The following GALNTL6 variants were observed in gnomAD, a reference collection of about 807,000 sequenced individuals.
GALNTL6 encodes the protein polypeptide N-acetylgalactosaminyltransferase-like 6.
GALNTL6 carries 46 observed loss-of-function variants against 73.7 expected under a neutral mutation model. The observed-to-expected ratio is 0.62, with a 90% CI of 0.49 to 0.80. The LOEUF is 0.80. GALNTL6 is among the 30% of genes least tolerant of loss of function. The probability of loss-of-function intolerance (pLI) is 0.00; values close to 1 mark genes in which losing one functional copy is unlikely to be tolerated. For missense variants in GALNTL6, 604 were observed against 755.0 expected (o/e 0.80, Z 2.34); for synonymous variants, 259 against 263.7 (o/e 0.98, Z 0.17).
chr4:172,749,321 A>C (rs1276167527), intron 5 of GALNTL6, among the ~76,000 whole-genome samples: 1 of 152,130 alleles, frequency 6.6e-6, no homozygotes, highest in African/African-American at 2.4e-5. Flanking sequence ...TTTAATTATC[A>C]GCTATAATAT....
intron 2 of GALNTL6, among the ~76,000 whole-genome samples, chr4:171,981,428 C>T (rs1739892106): frequency 6.6e-6 from 1 of 152,148 alleles, no homozygotes; most frequent in Non-Finnish European, 1.5e-5. Context: ...GTTTACATTG[C>T]CAGGGTGAAA....
intron 2 of GALNTL6, among the ~76,000 whole-genome samples, chr4:172,058,659 C>A (rs1234290650): frequency 6.6e-6 from 1 of 152,064 alleles, no homozygotes; most frequent in African/African-American, 2.4e-5. Flanking sequence ...ATCTATACTT[C>A]TTTTCATATA....
At chr4:171,874,259 G>A (rs186674342) in intron 2 of GALNTL6, among the ~76,000 whole-genome samples, 39 of 152,286 alleles carry the variant, frequency 2.6e-4, no homozygotes, top group African/African-American at 9.4e-4. Context: ...CTGGAGGGCA[G>A]TGGTGCAATC....
chr4:172,410,793 T>C (rs2111342638), intron 5 of GALNTL6, among the ~76,000 whole-genome samples: 1 of 152,262 alleles, frequency 6.6e-6, no homozygotes, highest in East Asian at 1.9e-4. Flanking sequence ...ATTGGCTCTT[T>C]TATTTCTCAC....
chr4:172,046,678 G>A (rs2110850140), intron 2 of GALNTL6, among the ~76,000 whole-genome samples: 2 of 152,194 alleles, frequency 1.3e-5, no homozygotes, highest in Middle Eastern at 3.4e-3. Context: ...TTCTTCTGAG[G>A]AATGTCTATT....
chr4:172,569,927 G>T (rs565101885), intron 5 of GALNTL6, among the ~76,000 whole-genome samples: 23 of 152,164 alleles, frequency 1.5e-4, no homozygotes, highest in Admixed American at 1.4e-3. Context: ...GAAGGAGGAC[G>T]TAGTACGACA....
chr4:172,389,898 A>T (rs1209349421), intron 5 of GALNTL6, among the ~76,000 whole-genome samples: 1 of 152,158 alleles, frequency 6.6e-6, no homozygotes, highest in Admixed American at 6.5e-5. Flanking sequence ...GATTTTAAAA[A>T]ATAACAGTTG....
At chr4:171,957,689 T>A (rs941815911) in intron 2 of GALNTL6, among the ~76,000 whole-genome samples, 2 of 152,198 alleles carry the variant, frequency 1.3e-5, no homozygotes, top group African/African-American at 4.8e-5. Flanking sequence ...ACCTTAGTCT[T>A]GCCCTTCATT....
At chr4:172,793,766 A>G (rs1333051872) in intron 5 of GALNTL6, among the ~76,000 whole-genome samples, 2 of 152,192 alleles carry the variant, frequency 1.3e-5, no homozygotes, top group Non-Finnish European at 2.9e-5. Flanking sequence ...TTCTGAGCCA[A>G]CTTTTGCCTT....
chr4:172,009,058 A>G (rs1199792048), intron 2 of GALNTL6, among the ~76,000 whole-genome samples: 1 of 152,138 alleles, frequency 6.6e-6, no homozygotes, highest in Non-Finnish European at 1.5e-5. Flanking sequence ...ACTAAATTAT[A>G]TTATGTTGCA....
chr4:172,882,921 C>T lies in GALNTL6; in HGVS notation c.1041+14C>T, dbSNP rs754962841. The T allele has an allele frequency of 6.2e-6, 8 of 1,280,396 alleles. No individual in the cohort carries two copies. In the Admixed American group the frequency reaches 1.4e-4, roughly 22 times the overall value. The allele number at this position is 1,280,396 out of a possible 1,614,324, so 79.3% of individuals were successfully genotyped here. ...ATCTCTTTTAAGGTAAGCCCCAAGA[C>T]CCTCTTCACACTATATCTGTATAAT... On this transcript the variant is annotated intron_variant, in intron 8 of 12. Coordinates refer to ENST00000506823, the MANE Select transcript of GALNTL6 (RefSeq NM_001034845.3).
chr4:171,986,537 A>T (rs955837181), intron 2 of GALNTL6, among the ~76,000 whole-genome samples: 1 of 152,010 alleles, frequency 6.6e-6, no homozygotes, highest in Non-Finnish European at 1.5e-5. Flanking sequence ...TGAAAATTTT[A>T]GGGGGTGGTA....
intron 7 of GALNTL6, among the ~76,000 whole-genome samples, chr4:172,824,377 A>T (rs73871851): frequency 8.0e-4 from 64 of 80,204 alleles, no homozygotes; most frequent in African/African-American, 4.7e-3. Flanking sequence ...TGTGTGTGTG[A>T]GTGTGTGTGT....
At chr4:172,434,969 A>G in intron 5 of GALNTL6, among the ~76,000 whole-genome samples, 1 of 152,152 alleles carries the variant, frequency 6.6e-6, no homozygotes, top group East Asian at 1.9e-4. Flanking sequence ...TCTATATGCA[A>G]GATCCATCTT....
At chr4:172,634,031 A>C (rs181447915) in intron 5 of GALNTL6, among the ~76,000 whole-genome samples, 175 of 152,314 alleles carry the variant, frequency 1.1e-3, no homozygotes, top group African/African-American at 3.6e-3. Flanking sequence ...GGAACAGGCT[A>C]ATACATAGTC....
At chr4:172,339,259 A>ACACACACACT (rs1219153105) in intron 4 of GALNTL6, among the ~76,000 whole-genome samples, 26 of 12,038 alleles carry the variant, frequency 2.2e-3, no homozygotes, top group Non-Finnish European at 7.7e-3. Flanking sequence ...CACACACACC[A>ACACACACACT]CACACACACA....
chr4:171,925,905 T>A (rs1020924278), intron 2 of GALNTL6, among the ~76,000 whole-genome samples: 11 of 152,122 alleles, frequency 7.2e-5, no homozygotes, highest in East Asian at 3.9e-4. Flanking sequence ...ATAGCTTTTT[T>A]AAAATACACT....
intron 5 of GALNTL6, among the ~76,000 whole-genome samples, chr4:172,398,862 G>GTTTTTT (rs1284175319): frequency 6.6e-6 from 1 of 150,534 alleles, no homozygotes. Context: ...CAATGTTTGG[G>GTTTTTT]TTTTTTTTTC....
chr4:171,821,999 T>C (rs1222767095), intron 2 of GALNTL6, among the ~76,000 whole-genome samples: 1 of 152,028 alleles, frequency 6.6e-6, no homozygotes, highest in African/African-American at 2.4e-5. Context: ...AAGCTTTTAA[T>C]AAAAAAGAAA....
Sources: gnomAD v4.1 joint callset for allele counts (sites outside exome capture counted in the v4.1 genomes callset) on GRCh38, gnomAD v4.1.1 for gene constraint, MANE v1.5 for transcripts, NCBI Gene and HGNC (gene_info 2026-07-23, HGNC 2026-07-21) for gene names.